GLP1R: variants seen among roughly 807,000 people sequenced by gnomAD.
GLP1R encodes glucagon-like peptide 1 receptor.
Under a neutral mutation model 68.4 loss-of-function variants are expected in GLP1R, and 32 were observed. The ratio of observed to expected loss-of-function variants is 0.47; its 90% CI spans 0.35 to 0.63. The LOEUF (loss-of-function observed/expected upper bound fraction) is 0.63, where lower values mean the gene tolerates loss of function less well. GLP1R is among the 20% of genes least tolerant of loss of function. The probability of loss-of-function intolerance (pLI) is 0.00; values close to 1 mark genes in which losing one functional copy is unlikely to be tolerated. For synonymous variants in GLP1R, 263 were observed against 244.4 expected (o/e 1.08, Z -0.71); for missense variants, 502 against 594.9 (o/e 0.84, Z 1.62).
At chr6:39,061,782 A>G (rs1033924204) in intron 3 of GLP1R, among the ~76,000 whole-genome samples, 2 of 152,250 alleles carry the variant, frequency 1.3e-5, no homozygotes, top group African/African-American at 2.4e-5. Context: ...GTGAAGGGAC[A>G]TGCTCAACAT....
chr6:39,060,931 A>T (rs1768343306), intron 3 of GLP1R, among the ~76,000 whole-genome samples: 1 of 152,208 alleles, frequency 6.6e-6, no homozygotes, highest in Admixed American at 6.5e-5. Flanking sequence ...AGGCAGTGGT[A>T]CTGAGGGAGG....
At chr6:39,075,483 C>T (rs757690707) in intron 7 of GLP1R, among the ~76,000 whole-genome samples, 2 of 152,174 alleles carry the variant, frequency 1.3e-5, no homozygotes, top group Non-Finnish European at 2.9e-5. Context: ...TGGGGACACA[C>T]TGCCCTAGAG....
chr6:39,062,146 C>G (rs1263421844), intron 3 of GLP1R, among the ~76,000 whole-genome samples: 1 of 152,234 alleles, frequency 6.6e-6, no homozygotes, highest in Non-Finnish European at 1.5e-5. Context: ...GGCGCCGCAG[C>G]AGCTTCCGGG....
chr6:39,060,726 A>G (rs1768337262), intron 3 of GLP1R, among the ~76,000 whole-genome samples: 1 of 152,236 alleles, frequency 6.6e-6, no homozygotes, highest in Non-Finnish European at 1.5e-5. Flanking sequence ...CCCATGGCTC[A>G]GGCTTCTAGA....
chr6:39,075,891 T>C (rs964518895), intron 7 of GLP1R, among the ~76,000 whole-genome samples: 3 of 152,122 alleles, frequency 2.0e-5, no homozygotes, highest in Non-Finnish European at 4.4e-5. Context: ...CAAATGATGG[T>C]TGAGGGAATC....
Position 39,048,905 on chromosome 6 carries a change from GC to G in GLP1R, c.70del (p.Arg24AlafsTer27), listed in dbSNP as rs1258692009. 1.8e-5 allele frequency: 25 copies of G among 1,409,000 alleles called. No homozygotes were observed. The highest frequency in any genetic ancestry group is 5.7e-5 in the East Asian group (2 of 34,900). The allele number at this position is 1,409,000 out of a possible 1,614,324, so 87.3% of individuals were successfully genotyped here. Reference protein sequence around the residue: ...LLLLGMVGRAGPRPQGATVSL... With the variant: ...LLLLGMVGRAXPRPQGATVSL... ...CTGCTCGGGATGGTGGGCAGGGCCGGCCCCCGCCCCCAGGTGAGATCCAGGG... is the reference window on the plus strand; with the variant it reads ...CTGCTCGGGATGGTGGGCAGGGCCGGCCCCGCCCCCAGGTGAGATCCAGGG... On this transcript the variant is annotated frameshift_variant, in exon 1 of 13. Transcript: ENST00000373256. LOFTEE classifies it high-confidence loss of function.
chr6:39,078,862 A>G (rs1048248439), intron 8 of GLP1R, 95 bp from the exon 9 acceptor site: 5 of 1,037,102 alleles, frequency 4.8e-6, no homozygotes, highest in Non-Finnish European at 7.5e-6. Flanking sequence ...GGCACTCAAC[A>G]TGGCCATGTG....
Position 39,055,030 on chromosome 6 carries a change from C to T in GLP1R, c.79-1367C>T, listed in dbSNP as rs544268429. Among the ~76,000 whole-genome samples, 48 of 152,252 alleles carry T rather than the reference C, an allele frequency of 3.2e-4. 1 individual carries two copies. Among genetic ancestry groups the T allele is most frequent in the African/African-American group, 1.1e-3 (46 of 41,570 alleles). ...AGAAGAGCTCTGTCCTTCAGGGTAG[C>T]CCCTGCCGCCTTGGCACACTTATGC... On this transcript the variant is annotated intron_variant, in intron 1 of 12. Transcript: ENST00000373256.
rs572644466 is a variant in GLP1R at position 39,066,352 on chromosome 6, C to T, written c.509+49C>T. 18 of 983,768 alleles carry T rather than the reference C, an allele frequency of 1.8e-5. No homozygotes were observed. The South Asian group carries it at 2.3e-4, about 12-fold the overall frequency. The allele number at this position is 983,768 out of a possible 1,614,324, so 60.9% of individuals were successfully genotyped here. A position where few individuals can be genotyped will look rare whatever the true frequency, so the allele number is the denominator to read the frequency against. On this transcript the variant is annotated intron_variant, in intron 5 of 12. Coordinates refer to ENST00000373256, the MANE Select transcript of GLP1R (RefSeq NM_002062.5). The stretch of plus-strand genomic sequence containing the variant: ...GGGGGCTGCTTCATCCTAACTCCCC[C>T]AGATAGAGGAATGAAGCAGCCCAAC...
intron 8 of GLP1R, among the ~76,000 whole-genome samples, chr6:39,078,658 G>A (rs1477680645): frequency 1.3e-5 from 2 of 152,186 alleles, no homozygotes; most frequent in Admixed American, 6.5e-5. Context: ...AAATGTTTGT[G>A]TCATTTTGTA....
chr6:39,086,061 C>G lies in GLP1R; in HGVS notation c.1380C>G (p.Ala460=). 1.2e-6 allele frequency: 2 copies of G among 1,613,770 alleles called. No homozygotes were observed. Among genetic ancestry groups the G allele is most frequent in the Non-Finnish European group, 1.7e-6 (2 of 1,179,876 alleles). The change falls in exon 13 of 13, where the codon GCC becomes GCG. Residue 460 remains alanine, a synonymous_variant. Coordinates refer to ENST00000373256, the MANE Select transcript of GLP1R (RefSeq NM_002062.5). This position sits in a 1 kb window ranked among gnomAD's most constrained non-coding sequence, Gnocchi z 4.5. ...GCATGTACACAGCCACTTGCCAGGC[C>G]TCCTGCAGCTGAGACTCCAGCGCCT... ...GSSMYTATCQ[A]SCS
At chr6:39,057,363 A>C in intron 2 of GLP1R, 109 bp from the exon 3 acceptor site, 1 of 700,798 alleles carries the variant, frequency 1.4e-6, no homozygotes, top group Admixed American at 2.1e-5. Flanking sequence ...CATTCAGCAG[A>C]GGTTAGTGGC....
At chr6:39,066,610 G>T (rs757961519) in intron 5 of GLP1R, among the ~76,000 whole-genome samples, 8 of 152,210 alleles carry the variant, frequency 5.3e-5, no homozygotes, top group Non-Finnish European at 1.2e-4. Context: ...AATCCCAGGA[G>T]ATCTTCTCCA....
At chr6:39,071,521 T>G (rs1291358702) in intron 5 of GLP1R, among the ~76,000 whole-genome samples, 1 of 152,162 alleles carries the variant, frequency 6.6e-6, no homozygotes, top group Non-Finnish European at 1.5e-5. Context: ...GGATTTCATT[T>G]TTTTTTCTGT....
intron 5 of GLP1R, among the ~76,000 whole-genome samples, chr6:39,071,201 G>A (rs1768653281): frequency 6.6e-6 from 1 of 151,746 alleles, no homozygotes; most frequent in Non-Finnish European, 1.5e-5. Context: ...AAAAAATTAG[G>A]TGAGCATGGT....
intron 12 of GLP1R, among the ~76,000 whole-genome samples, chr6:39,082,438 G>T (rs751705677): frequency 1.3e-5 from 2 of 152,166 alleles, no homozygotes; most frequent in African/African-American, 2.4e-5. Flanking sequence ...AGGTGCTGGG[G>T]AGGTGAAGGC....
intron 11 of GLP1R, among the ~76,000 whole-genome samples, chr6:39,080,124 A>G (rs902746484): frequency 6.6e-6 from 1 of 152,060 alleles, no homozygotes; most frequent in Non-Finnish European, 1.5e-5. Context: ...AAAAGAACTG[A>G]TCCTCTCCAC....
intron 3 of GLP1R, among the ~76,000 whole-genome samples, chr6:39,062,187 C>T (rs1768372074): frequency 6.6e-6 from 1 of 152,206 alleles, no homozygotes; most frequent in Non-Finnish European, 1.5e-5. Flanking sequence ...GGTTTTATTT[C>T]CAGCAGCAGG....
At chr6:39,078,881 G>A in intron 8 of GLP1R, 76 bp from the exon 9 acceptor site, 3 of 1,248,082 alleles carry the variant, frequency 2.4e-6, no homozygotes, top group Non-Finnish European at 3.5e-6. Context: ...TGCATTGGCG[G>A]CCTCTGTGCC....
Sources: allele counts gnomAD v4.1 joint callset (sites outside exome capture counted in the v4.1 genomes callset), GRCh38; gene constraint gnomAD v4.1.1; non-coding constraint Gnocchi (gnomAD v3.1); transcripts MANE v1.5; gene names NCBI Gene and HGNC (gene_info 2026-07-23, HGNC 2026-07-21).